Variants in EYS observed in about 807,000 individuals in gnomAD.
EYS encodes EGF-like photoreceptor maintenance factor, also known as protein eyes shut homolog.
A neutral mutation model predicts 282.1 loss-of-function variants in EYS; 250 were observed. The observed-to-expected ratio is 0.89, with a 90% CI of 0.80 to 0.98. The LOEUF (loss-of-function observed/expected upper bound fraction) is 0.98. Among genes scored for constraint, EYS ranks in the 50% least tolerant of loss-of-function variants. The pLI is 0.00. For synonymous variants in EYS, 1,355 were observed against 1,282.9 expected, an observed-to-expected ratio of 1.06 and a Z score of -1.20; for missense variants, 4,016 against 3,709.0, an observed-to-expected ratio of 1.08 and a Z score of -2.15.
At chr6:63,934,985 C>T (rs1272053084) in intron 35 of EYS, among the ~76,000 whole-genome samples, 6 of 152,150 alleles carry the variant, frequency 3.9e-5, no homozygotes, top group Non-Finnish European at 7.3e-5. Flanking sequence ...AACACAGCCC[C>T]GCACCTCCTC....
At chr6:65,347,365 T>C (rs1043653782) in intron 9 of EYS, among the ~76,000 whole-genome samples, 6 of 151,806 alleles carry the variant, frequency 4.0e-5, no homozygotes, top group Admixed American at 2.6e-4. Context: ...TCCTTCTTAA[T>C]TTCTAAGTTA....
intron 30 of EYS, among the ~76,000 whole-genome samples, chr6:64,282,056 T>C (rs111733017): frequency 2.3e-4 from 35 of 152,260 alleles, no homozygotes; most frequent in African/African-American, 7.2e-4. Flanking sequence ...TGAAAGTGTC[T>C]ATTCTGATGT....
intron 19 of EYS, among the ~76,000 whole-genome samples, chr6:64,843,156 A>G (rs1406901778): frequency 6.6e-6 from 1 of 152,096 alleles, no homozygotes; most frequent in East Asian, 1.9e-4. Flanking sequence ...AAATGCCTGG[A>G]TGCCCAGGGA....
intron 15 of EYS, among the ~76,000 whole-genome samples, chr6:64,926,345 T>C (rs904589987): frequency 7.9e-5 from 12 of 152,200 alleles, no homozygotes; most frequent in African/African-American, 2.9e-4. Context: ...GCTGGCAGGT[T>C]TCCACATAGC....
At chr6:64,271,862 CAG>C (rs1265754319) in intron 30 of EYS, among the ~76,000 whole-genome samples, 1 of 151,768 alleles carries the variant, frequency 6.6e-6, no homozygotes, top group African/African-American at 2.4e-5. Context: ...TTTTTTGAGA[CAG>C]AGTCTCACTG....
chr6:65,217,416 A>C (rs188050709), intron 12 of EYS, among the ~76,000 whole-genome samples: 1 of 152,062 alleles, frequency 6.6e-6, no homozygotes, highest in South Asian at 2.1e-4. Context: ...GATCACTTAT[A>C]ATAAGGTATT....
intron 29 of EYS, among the ~76,000 whole-genome samples, chr6:64,366,792 G>A (rs1270769995): frequency 2.0e-5 from 3 of 152,038 alleles, no homozygotes; most frequent in African/African-American, 7.2e-5. Context: ...TAATGATCTT[G>A]TGATCTGAGT....
chr6:64,809,367 A>G (rs1764529255), intron 22 of EYS, among the ~76,000 whole-genome samples: 1 of 152,160 alleles, frequency 6.6e-6, no homozygotes, highest in Non-Finnish European at 1.5e-5. Context: ...TTTACGATGA[A>G]AGAAAATAAT....
intron 22 of EYS, among the ~76,000 whole-genome samples, chr6:64,731,492 T>C (rs1232155191): frequency 2.6e-5 from 4 of 152,086 alleles, no homozygotes; most frequent in African/African-American, 9.7e-5. Flanking sequence ...TATCAAAAAG[T>C]GGGCGAAGGA....
At chr6:64,219,349 G>C (rs1766021845) in intron 31 of EYS, among the ~76,000 whole-genome samples, 1 of 152,166 alleles carries the variant, frequency 6.6e-6, no homozygotes, top group African/African-American at 2.4e-5. Flanking sequence ...CACAAACTAA[G>C]AGGGTAGAGA....
At chr6:64,975,190 T>C (rs930863371) in intron 14 of EYS, among the ~76,000 whole-genome samples, 1 of 151,856 alleles carries the variant, frequency 6.6e-6, no homozygotes, top group Non-Finnish European at 1.5e-5. Flanking sequence ...ATTTCTGATA[T>C]TGATTAGAAA....
chr6:64,891,893 A>G (rs1767302697), intron 18 of EYS, among the ~76,000 whole-genome samples: 1 of 152,038 alleles, frequency 6.6e-6, no homozygotes, highest in East Asian at 1.9e-4. Flanking sequence ...TCATTTAAAT[A>G]AAAAGCTTTT....
chr6:64,296,108 C>G (rs78598930), intron 30 of EYS, among the ~76,000 whole-genome samples: 2,015 of 152,160 alleles, frequency 0.013, 44 homozygotes, highest in African/African-American at 0.046. Flanking sequence ...CACTTTTTAA[C>G]TCACCTTTAA....
chr6:63,809,554 A>G (rs1383723368), intron 36 of EYS, among the ~76,000 whole-genome samples: 1 of 152,222 alleles, frequency 6.6e-6, no homozygotes, highest in African/African-American at 2.4e-5. Flanking sequence ...ATGAATTGGA[A>G]ACATGAAGAA....
rs1031493477 is a variant in EYS at position 65,485,392 on chromosome 6, A to T, written c.862+5202T>A. On this transcript the variant is annotated intron_variant, in intron 5 of 42. Transcript: ENST00000503581. ...CACGTCTTTTCATTTAGATCAAATG[A>T]CTGTCCCAAAATTATTTTTCTCATT... 2.0e-5 allele frequency among the ~76,000 whole-genome samples: 3 copies of T among 152,250 alleles called. No individual in the cohort carries two copies. In the East Asian group the frequency reaches 5.8e-4, roughly 29 times the overall value.
At chr6:63,768,654 G>A (rs1240002784) in intron 40 of EYS, among the ~76,000 whole-genome samples, 1 of 152,068 alleles carries the variant, frequency 6.6e-6, no homozygotes, top group East Asian at 1.9e-4. Context: ...CAGCCATTGT[G>A]GAAAGCAGTG....
At chr6:63,721,900 A>G (rs1444808056) in intron 42 of EYS, 103 bp from the exon 43 acceptor site, 16 of 1,035,826 alleles carry the variant, frequency 1.5e-5, no homozygotes, top group Non-Finnish European at 8.3e-6. Context: ...TTATGGGGAA[A>G]AAAGTAACAG....
chr6:65,629,188 G>A (rs1223266964), intron 2 of EYS, among the ~76,000 whole-genome samples: 6 of 152,086 alleles, frequency 3.9e-5, no homozygotes, highest in Admixed American at 3.3e-4. Context: ...ATTCCTGGCA[G>A]GATCAAGGTA....
intron 28 of EYS, among the ~76,000 whole-genome samples, chr6:64,433,624 T>A (rs1405923220): frequency 6.6e-6 from 1 of 151,940 alleles, no homozygotes; most frequent in African/African-American, 2.4e-5. Flanking sequence ...TAAGAAGCAA[T>A]GGTGTATGTA....
Sources: gnomAD v4.1 joint callset for allele counts (sites outside exome capture counted in the v4.1 genomes callset) on GRCh38, gnomAD v4.1.1 for gene constraint, MANE v1.5 for transcripts, NCBI Gene and HGNC (gene_info 2026-07-23, HGNC 2026-07-21) for gene names.